The following CCDC175 variants were observed in gnomAD, a reference collection of about 807,000 sequenced individuals.
CCDC175 encodes coiled-coil domain containing 175, also known as coiled-coil domain-containing protein 175.
In CCDC175, 100 loss-of-function variants were observed where a neutral mutation model predicts 114.6. The observed-to-expected ratio is 0.87, with a 90% CI of 0.74 to 1.03. The LOEUF is 1.03. Among genes scored for constraint, CCDC175 ranks in the 50% least tolerant of loss-of-function variants. The pLI is 0.00. For synonymous variants in CCDC175, 306 were observed against 308.7 expected (o/e 0.99, Z 0.09); for missense variants, 880 against 917.8 (o/e 0.96, Z 0.53).
At position 59,561,214 on chromosome 14, in the gene CCDC175, G is replaced by A. The variant is rs545983258; in HGVS notation, c.858C>T (p.His286=). The change falls in exon 7 of 20, where the codon CAC becomes CAT. Residue 286 remains histidine (H), a synonymous_variant. Transcript: ENST00000537690. Reference sequence around the variant, plus strand: ...CGTGTAGTCGTGCTATCTCTAAATTGTGATCACTAAGAACCTATTAAAAAT... The same window carrying A: ...CGTGTAGTCGTGCTATCTCTAAATTATGATCACTAAGAACCTATTAAAAAT... ...VTVSAAVLSD[H]NLEIARLHES... is the part of the protein sequence containing the mutation. The A allele has an allele frequency of 1.6e-5, 25 of 1,529,140 alleles. 1 individual carries two copies. The highest frequency in any genetic ancestry group is 1.7e-4 in the Middle Eastern group (1 of 5,968). The allele number at this position is 1,529,140 out of a possible 1,614,324, so 94.7% of individuals were successfully genotyped here.
At chr14:59,571,823 C>A (rs1346143764) in intron 3 of CCDC175, among the ~76,000 whole-genome samples, 1 of 151,658 alleles carries the variant, frequency 6.6e-6, no homozygotes. Context: ...CATAAATATA[C>A]AAAAAAAATT....
At chr14:59,537,641 G>T (rs1894481136) in intron 13 of CCDC175, among the ~76,000 whole-genome samples, 1 of 151,966 alleles carries the variant, frequency 6.6e-6, no homozygotes, top group Non-Finnish European at 1.5e-5. Context: ...TCTCAGGTTG[G>T]CTTTTGGCAG....
chr14:59,505,846 C>G (rs1366144149), intron 19 of CCDC175, among the ~76,000 whole-genome samples: 1 of 152,064 alleles, frequency 6.6e-6, no homozygotes, highest in African/African-American at 2.4e-5. Flanking sequence ...ATTTAAAAGT[C>G]AAAATACAGG....
At chr14:59,553,259 T>G (rs1377525592) in intron 7 of CCDC175, among the ~76,000 whole-genome samples, 2 of 152,212 alleles carry the variant, frequency 1.3e-5, no homozygotes, top group East Asian at 1.9e-4. Context: ...GATTAACAGC[T>G]GATCTCTCAG....
At chr14:59,535,135 G>A (rs1894316372) in intron 13 of CCDC175, among the ~76,000 whole-genome samples, 1 of 152,188 alleles carries the variant, frequency 6.6e-6, no homozygotes, top group Admixed American at 6.5e-5. Flanking sequence ...GGTTATTGGT[G>A]CTGATTATCG....
Position 59,572,671 on chromosome 14 carries a change from A to G in CCDC175, c.355+31T>C. 4 of 1,198,448 alleles carry G rather than the reference A, an allele frequency of 3.3e-6. No individual in the cohort carries two copies. In the South Asian group the frequency reaches 5.9e-5, roughly 18 times the overall value. 74.2% of individuals were successfully genotyped at this position (1,198,448 alleles called of 1,614,324 possible). A position where few individuals can be genotyped will look rare whatever the true frequency, so the allele number is the denominator to read the frequency against. On this transcript the variant is annotated intron_variant, in intron 3 of 19. Coordinates refer to ENST00000537690, the MANE Select transcript of CCDC175 (RefSeq NM_001164399.2). The stretch of plus-strand genomic sequence containing the variant: ...ACTTCATTCTGTTATAAGATCAACT[A>G]AATTTCTAGAGTTGATAACCTCAAA...
intron 17 of CCDC175, among the ~76,000 whole-genome samples, chr14:59,517,149 C>T (rs377170800): frequency 2.0e-5 from 3 of 152,046 alleles, no homozygotes; most frequent in East Asian, 1.9e-4. Context: ...TCAATAAATT[C>T]GGTATTGATG....
chr14:59,570,481 C>T (rs1386415092), intron 3 of CCDC175, among the ~76,000 whole-genome samples: 1 of 151,684 alleles, frequency 6.6e-6, no homozygotes, highest in East Asian at 1.9e-4. Context: ...GTTGGGCTCT[C>T]TGGGAAACAG....
intron 13 of CCDC175, among the ~76,000 whole-genome samples, chr14:59,535,550 T>C (rs1894342926): frequency 6.6e-6 from 1 of 152,236 alleles, no homozygotes; most frequent in Non-Finnish European, 1.5e-5. Context: ...TTACCATTTT[T>C]GTTCAAGCTA....
At chr14:59,563,067 G>A (rs905059337) in intron 6 of CCDC175, among the ~76,000 whole-genome samples, 2 of 152,098 alleles carry the variant, frequency 1.3e-5, no homozygotes, top group African/African-American at 2.4e-5. Flanking sequence ...AGATTCATTA[G>A]TTCAATTAAT....
intron 3 of CCDC175, among the ~76,000 whole-genome samples, chr14:59,568,961 T>C (rs1896706954): frequency 6.6e-6 from 1 of 152,246 alleles, no homozygotes; most frequent in South Asian, 2.1e-4. Context: ...CTCTTTGGAT[T>C]ATACTCCCTA....
intron 13 of CCDC175, among the ~76,000 whole-genome samples, chr14:59,534,729 C>G (rs185250373): frequency 6.6e-6 from 1 of 152,288 alleles, no homozygotes; most frequent in Admixed American, 6.5e-5. Flanking sequence ...GTGGCAAGCT[C>G]TGATAGAAGA....
intron 17 of CCDC175, among the ~76,000 whole-genome samples, chr14:59,518,489 C>T (rs1893237049): frequency 6.6e-6 from 1 of 152,064 alleles, no homozygotes; most frequent in South Asian, 2.1e-4. Context: ...AAAACAAGCC[C>T]ATCAACAAGT....
intron 7 of CCDC175, among the ~76,000 whole-genome samples, chr14:59,559,687 T>C (rs73305672): frequency 0.014 from 2,145 of 152,136 alleles, 50 homozygotes; most frequent in African/African-American, 0.049. Flanking sequence ...AGGAAGAAAA[T>C]AGAAAGAATA....
chr14:59,538,234 T>C (rs1235902174), intron 12 of CCDC175, 80 bp from the exon 13 acceptor site: 1 of 1,238,174 alleles, frequency 8.1e-7, no homozygotes, highest in East Asian at 2.8e-5. Flanking sequence ...GAAATTAATA[T>C]CTCTTTGCAG....
chr14:59,533,351 T>C (rs1276572922), intron 13 of CCDC175, among the ~76,000 whole-genome samples: 1 of 152,192 alleles, frequency 6.6e-6, no homozygotes, highest in African/African-American at 2.4e-5. Context: ...CTTCATAATA[T>C]AGCTGATATT....
chr14:59,505,262 C>T lies in CCDC175; in HGVS notation c.2359G>A (p.Glu787Lys). 6.7e-7 allele frequency: 1 copy of T among 1,502,750 alleles called. No homozygotes were observed. Among genetic ancestry groups the T allele is most frequent in the Non-Finnish European group, 8.9e-7 (1 of 1,123,030 alleles). 93.1% of individuals were successfully genotyped at this position (1,502,750 alleles called of 1,614,324 possible). The change falls in exon 20 of 20, where the codon GAG becomes AAG. Residue 787 changes from glutamate (E) to lysine (K), a missense_variant. Transcript: ENST00000537690. ...AGTTACTTTGTTAATGTATTTTTCT[C>T]AGTACATTTAACCACTGGGAAATGA... ...RVHFPVVKCT[E>K]KNTLTK
At chr14:59,572,645 T>C in intron 3 of CCDC175, 57 bp downstream of exon 3, 1 of 912,416 alleles carries the variant, frequency 1.1e-6, no homozygotes, top group Non-Finnish European at 1.6e-6. Context: ...TTGTTGAAAG[T>C]ACTTCATTCT....
Position 59,575,001 on chromosome 14 carries a change from T to C in CCDC175, c.185A>G (p.Lys62Arg). ...AAAGATCTTAGCTTCTTCATTACATTTAAAATAGTCACTTTGCAGTGATTG... is the reference window on the plus strand; with the variant it reads ...AAAGATCTTAGCTTCTTCATTACATCTAAAATAGTCACTTTGCAGTGATTG... ...VEQSLQSDYFKCNEEAKIFLK... is the reference protein window; with the variant it reads ...VEQSLQSDYFRCNEEAKIFLK... The change falls in exon 2 of 20, where the codon AAA (lysine) becomes AGA (arginine). Residue 62 changes from lysine (K) to arginine (R), a missense_variant. Transcript: ENST00000537690. 1 of 1,515,698 alleles carries C rather than the reference T, an allele frequency of 6.6e-7. No individual in the cohort carries two copies. Among genetic ancestry groups the C allele is most frequent in the Non-Finnish European group, 8.8e-7 (1 of 1,133,394 alleles). The allele number at this position is 1,515,698 out of a possible 1,614,324, so 93.9% of individuals were successfully genotyped here.
Sources: allele counts gnomAD v4.1 joint callset (sites outside exome capture counted in the v4.1 genomes callset), GRCh38; gene constraint gnomAD v4.1.1; transcripts MANE v1.5; gene names NCBI Gene and HGNC (gene_info 2026-07-23, HGNC 2026-07-21).